Variants in NECTIN3 observed in about 807,000 individuals in gnomAD.
NECTIN3 encodes nectin-3.
Under a neutral mutation model 49.4 loss-of-function variants are expected in NECTIN3, and 8 were observed. The ratio of observed to expected loss-of-function variants is 0.16; its 90% CI spans 0.10 to 0.29. NECTIN3 has a LOEUF of 0.29. Among genes scored for constraint, NECTIN3 ranks in the 10% least tolerant of loss-of-function variants. NECTIN3 has a pLI of 1.00. For synonymous variants in NECTIN3, 277 were observed against 241.1 expected, an observed-to-expected ratio of 1.15 and a Z score of -1.38; for missense variants, 581 against 654.6, an observed-to-expected ratio of 0.89 and a Z score of 1.23.
At chr3:111,186,891 A>G (rs1479752892) in intron 7 of NECTIN3, among the ~76,000 whole-genome samples, 2 of 152,226 alleles carry the variant, frequency 1.3e-5, no homozygotes, top group Non-Finnish European at 2.9e-5. Context: ...AGAATAATAT[A>G]TGCTGTGTAT....
intron 2 of NECTIN3, among the ~76,000 whole-genome samples, chr3:111,112,766 G>T (rs2033526286): frequency 6.6e-6 from 1 of 151,832 alleles, no homozygotes; most frequent in Non-Finnish European, 1.5e-5. Flanking sequence ...AGGAGCCATT[G>T]ACACCTCATG....
chr3:111,144,770 TG>T, intron 5 of NECTIN3: 5 of 945,502 alleles, frequency 5.3e-6, no homozygotes, highest in Non-Finnish European at 6.1e-6. Flanking sequence ...GAATGAAATT[TG>T]GGGTCCTCTA....
chr3:111,090,292 T>G (rs974901251), intron 1 of NECTIN3, among the ~76,000 whole-genome samples: 1 of 152,190 alleles, frequency 6.6e-6, no homozygotes, highest in African/African-American at 2.4e-5. Flanking sequence ...CCATACGTCC[T>G]TTGTTTTATT....
At chr3:111,148,878 G>A (rs1157739387) in intron 7 of NECTIN3, among the ~76,000 whole-genome samples, 1 of 151,888 alleles carries the variant, frequency 6.6e-6, no homozygotes, top group Admixed American at 6.6e-5. Context: ...AAATCTGTTT[G>A]TCTCTTTGCT....
intron 7 of NECTIN3, among the ~76,000 whole-genome samples, chr3:111,151,997 C>T (rs759939147): frequency 2.0e-5 from 3 of 151,738 alleles, no homozygotes; most frequent in African/African-American, 7.2e-5. Context: ...TATTTCCCCC[C>T]TGTATAAAAG....
intron 1 of NECTIN3, chr3:111,072,723 G>T (rs1226538847): frequency 1.3e-6 from 1 of 779,216 alleles, no homozygotes; most frequent in Non-Finnish European, 2.0e-6. Context: ...CCACTCCCCC[G>T]GCTCTGCCCT....
chr3:111,080,685 A>G (rs1245567977), intron 1 of NECTIN3, among the ~76,000 whole-genome samples: 1 of 152,112 alleles, frequency 6.6e-6, no homozygotes, highest in East Asian at 1.9e-4. Flanking sequence ...ATGCAAAAAA[A>G]AAAAAAAAGG....
At chr3:111,182,302 G>A (rs142229929) in intron 7 of NECTIN3, among the ~76,000 whole-genome samples, 2,971 of 152,068 alleles carry the variant, frequency 0.02, 40 homozygotes, top group Non-Finnish European at 0.022. Flanking sequence ...CGTATGTTAC[G>A]CTGTTGTTGG....
At chr3:111,142,373 T>C (rs1230287497), downstream of NECTIN3, among the ~76,000 whole-genome samples, 8 of 151,762 alleles carry the variant, frequency 5.3e-5, no homozygotes, top group Admixed American at 2.0e-4. Flanking sequence ...CAAAGAGGTA[T>C]GGGAGAAAGA....
At chr3:111,157,044 CAT>C (rs1248937173) in intron 7 of NECTIN3, among the ~76,000 whole-genome samples, 2 of 152,088 alleles carry the variant, frequency 1.3e-5, no homozygotes, top group Admixed American at 1.3e-4. Flanking sequence ...CCCACAATGA[CAT>C]ATGTTTATTC....
Position 111,133,911 on chromosome 3 carries a change from T to C in NECTIN3, c.1346T>C (p.Met449Thr), listed in dbSNP as rs746663813. Reference protein sequence around the residue: ...FAKNYIPPSDMQKESQIDVLQ... With the variant: ...FAKNYIPPSDTQKESQIDVLQ... ...AAGAACTACATTCCACCATCAGATA[T>C]GCAAAAAGAATCACAAATAGATGTT... The change falls in exon 6 of 6, where the codon ATG (methionine) becomes ACG (threonine). Residue 449 changes from methionine (M) to threonine (T), a missense_variant. By Grantham distance (81) the Met-to-Thr change is moderately conservative. Around this residue, in one of 3 missense-constraint regions of NECTIN3, gnomAD observed 238 missense variants for 244.9 expected, o/e 0.97. Coordinates refer to ENST00000485303, the MANE Select transcript of NECTIN3 (RefSeq NM_015480.3). 2.3e-5 allele frequency: 37 copies of C among 1,613,852 alleles called. No individual in the cohort carries two copies. The highest frequency in any genetic ancestry group is 2.6e-5 in the Non-Finnish European group (31 of 1,179,856).
Position 111,091,603 on chromosome 3 carries a change from A to T in NECTIN3, c.160+19426A>T, listed in dbSNP as rs12492309. ...TTATTTCATTTAGTGTAATGTTATC[A>T]AAGTTCATCAATGTTGTTGTATATG... On this transcript the variant is annotated intron_variant, in intron 1 of 5. Transcript: ENST00000485303. Among the ~76,000 whole-genome samples, 6,154 of 152,218 alleles carry T rather than the reference A, an allele frequency of 0.04. 710 individuals are homozygous for T. In the East Asian group the frequency reaches 0.45, roughly 11 times the overall value.
At chr3:111,143,496 A>C (rs1467075347) in intron 5 of NECTIN3, among the ~76,000 whole-genome samples, 1 of 151,958 alleles carries the variant, frequency 6.6e-6, no homozygotes, top group Non-Finnish European at 1.5e-5. Flanking sequence ...TCTTTTTGGC[A>C]ATCTAAACTA....
chr3:111,073,573 C>CTATA (rs1383536002), intron 1 of NECTIN3: 1 of 152,320 alleles, frequency 6.6e-6, no homozygotes, highest in Non-Finnish European at 1.5e-5. Context: ...GTTCTTAATG[C>CTATA]TATACCTTTT....
intron 5 of NECTIN3, among the ~76,000 whole-genome samples, chr3:111,143,506 A>G (rs896640797): frequency 8.6e-5 from 13 of 151,958 alleles, no homozygotes; most frequent in African/African-American, 2.9e-4. Context: ...AATCTAAACT[A>G]TGTTACCCAC....
chr3:111,124,763 C>T (rs771900041), intron 4 of NECTIN3, among the ~76,000 whole-genome samples: 31 of 152,062 alleles, frequency 2.0e-4, no homozygotes, highest in Non-Finnish European at 3.8e-4. Flanking sequence ...TTGCTTCTTT[C>T]CACCTTTTTA....
At chr3:111,115,158 T>C (rs116797289) in intron 2 of NECTIN3, among the ~76,000 whole-genome samples, 2,036 of 152,276 alleles carry the variant, frequency 0.013, 48 homozygotes, top group African/African-American at 0.047. Context: ...ACTCATAATG[T>C]CTCCAGACAC....
chr3:111,092,088 C>A (rs978252618), intron 1 of NECTIN3, among the ~76,000 whole-genome samples: 3 of 152,120 alleles, frequency 2.0e-5, no homozygotes, highest in African/African-American at 7.2e-5. Flanking sequence ...TATATATGTT[C>A]TCTGAAGGCA....
chr3:111,077,512 A>G (rs1187219418), intron 1 of NECTIN3, among the ~76,000 whole-genome samples: 1 of 150,874 alleles, frequency 6.6e-6, no homozygotes, highest in Non-Finnish European at 1.5e-5. Flanking sequence ...GCCTGCAAAG[A>G]TAGGATGTGT....
Sources: gnomAD v4.1 joint callset for allele counts (sites outside exome capture counted in the v4.1 genomes callset) on GRCh38, gnomAD v4.1.1 for gene constraint, gnomAD v4.1.1 regional missense constraint, MANE v1.5 for transcripts, NCBI Gene and HGNC (gene_info 2026-07-23, HGNC 2026-07-21) for gene names.